Variants in NIPAL3 observed in about 807,000 individuals in gnomAD.
NIPAL3 encodes the protein NIPA-like protein 3.
In NIPAL3, 41 loss-of-function variants were observed where a neutral mutation model predicts 47.2. That is an observed-to-expected ratio of 0.87 (90% confidence interval 0.68 to 1.13). The LOEUF is 1.13. Among genes scored for constraint, NIPAL3 ranks in the 50% most tolerant of loss-of-function variants. NIPAL3 has a pLI of 0.00. For synonymous variants in NIPAL3, 194 were observed against 209.6 expected, an observed-to-expected ratio of 0.93 and a Z score of 0.64; for missense variants, 449 against 530.1, an observed-to-expected ratio of 0.85 and a Z score of 1.50.
intron 2 of NIPAL3, 81 bp from the exon 3 acceptor site, chr1:24,440,091 A>C: frequency 1.1e-6 from 1 of 927,698 alleles, no homozygotes; most frequent in Non-Finnish European, 1.6e-6. Context: ...TTGGGGCAGC[A>C]AATGGTTGAG....
At chr1:24,450,144 G>A (rs1371967351) in intron 6 of NIPAL3, among the ~76,000 whole-genome samples, 2 of 152,172 alleles carry the variant, frequency 1.3e-5, no homozygotes, top group Non-Finnish European at 2.9e-5. Context: ...CCATTATGAT[G>A]TCAGTTTTAT....
chr1:24,436,206 A>G (rs960892075), intron 2 of NIPAL3, among the ~76,000 whole-genome samples: 1 of 152,124 alleles, frequency 6.6e-6, no homozygotes, highest in Non-Finnish European at 1.5e-5. Context: ...TGGTGTTTAG[A>G]ATAGTGAGGT....
chr1:24,417,602 A>G (rs1168571135), intron 1 of NIPAL3, among the ~76,000 whole-genome samples: 1 of 152,156 alleles, frequency 6.6e-6, no homozygotes, highest in Non-Finnish European at 1.5e-5. Context: ...CTTACATCTC[A>G]TGTCTGTATA....
At chr1:24,414,261 G>A (rs1643907932), upstream of NIPAL3, 1 of 151,786 alleles carries the variant, frequency 6.6e-6, no homozygotes, top group South Asian at 2.1e-4. Flanking sequence ...GGCCAGGCTG[G>A]TCTCGAACTC....
At chr1:24,460,414 T>C (rs914096613) in intron 9 of NIPAL3, 67 bp from the exon 10 acceptor site, 5 of 1,346,458 alleles carry the variant, frequency 3.7e-6, no homozygotes, top group Non-Finnish European at 5.2e-6. Flanking sequence ...AGCCAAATCC[T>C]AGACAGACTG....
chr1:24,442,414 A>T (rs904189759), intron 4 of NIPAL3, among the ~76,000 whole-genome samples, 188 bp downstream of exon 4: 7 of 152,222 alleles, frequency 4.6e-5, no homozygotes, highest in African/African-American at 1.7e-4. Flanking sequence ...CTAATCCTCC[A>T]GCCACCTGTT....
chr1:24,427,753 G>A (rs1179564671), intron 2 of NIPAL3, among the ~76,000 whole-genome samples: 1 of 152,176 alleles, frequency 6.6e-6, no homozygotes, highest in Non-Finnish European at 1.5e-5. Flanking sequence ...AAAGGGCTTA[G>A]CACACCATGT....
intron 11 of NIPAL3, among the ~76,000 whole-genome samples, chr1:24,467,594 T>C (rs1392071521): frequency 6.6e-6 from 1 of 152,266 alleles, no homozygotes; most frequent in Non-Finnish European, 1.5e-5. Flanking sequence ...TCATTTCTGC[T>C]GCTTCATTTT....
intron 8 of NIPAL3, 36 bp from the exon 9 acceptor site, chr1:24,458,852 C>T (rs761519719): frequency 1.3e-6 from 2 of 1,553,338 alleles, no homozygotes; most frequent in Non-Finnish European, 1.8e-6. Flanking sequence ...TCCAACGTCT[C>T]CACAGCCCAC....
At chr1:24,450,426 C>T (rs944450458) in intron 6 of NIPAL3, among the ~76,000 whole-genome samples, 4 of 152,092 alleles carry the variant, frequency 2.6e-5, no homozygotes, top group South Asian at 2.1e-4. Context: ...CCAGGAGACA[C>T]GGGAAATTTT....
At chr1:24,441,997 T>C in intron 3 of NIPAL3, 58 bp from the exon 4 acceptor site, 1 of 1,575,608 alleles carries the variant, frequency 6.3e-7, no homozygotes, top group Non-Finnish European at 8.7e-7. Context: ...GGTACCTACA[T>C]CATAGCATTT....
chr1:24,437,930 G>T (rs182405654), intron 2 of NIPAL3, among the ~76,000 whole-genome samples: 4 of 152,294 alleles, frequency 2.6e-5, no homozygotes, highest in African/African-American at 9.6e-5. Flanking sequence ...AGTCATAGAT[G>T]TTTACTCCAG....
chr1:24,417,479 A>G (rs1644113263), intron 1 of NIPAL3, among the ~76,000 whole-genome samples: 1 of 152,256 alleles, frequency 6.6e-6, no homozygotes, highest in African/African-American at 2.4e-5. Context: ...ACGTGAAAGT[A>G]TAGTGAACAA....
intron 11 of NIPAL3, chr1:24,465,986 T>C: frequency 6.2e-7 from 1 of 1,606,680 alleles, no homozygotes. Context: ...ATTAGGATCT[T>C]GCCTTTTGTC....
chr1:24,419,470 T>C lies in NIPAL3; in HGVS notation c.-78T>C. On this transcript the variant is annotated 5_prime_UTR_variant, in exon 2 of 12. It removes an upstream start codon present in the reference 5' UTR. Coordinates refer to ENST00000374399, the MANE Select transcript of NIPAL3 (RefSeq NM_020448.5). ...GGGAGGTGAACACCACAAGGAGAGA[T>C]GGCATCTGGCCTGGGCCCCGCCTAG... is the stretch of plus-strand genomic sequence containing the variant. 6.9e-7 allele frequency: 1 copy of C among 1,454,046 alleles called. No homozygotes were observed. The highest frequency in any genetic ancestry group is 9.1e-7 in the Non-Finnish European group (1 of 1,099,642). The allele number at this position is 1,454,046 out of a possible 1,614,324, so 90.1% of individuals were successfully genotyped here.
rs746445892 is a variant in NIPAL3, at chr1:24,442,040, T to G, written c.163-15T>G. The G allele has an allele frequency of 3.1e-6, 5 of 1,611,622 alleles. No homozygotes were observed. In the Admixed American group the frequency reaches 8.4e-5, roughly 27 times the overall value. ...CAAACATCTGAGCAAATTGCATTAT[T>G]TCTCGGGTTTCTAGAAGTACTGCCA... On this transcript the variant is annotated splice_polypyrimidine_tract_variant and intron_variant, in intron 3 of 11. Coordinates refer to ENST00000374399, the MANE Select transcript of NIPAL3 (RefSeq NM_020448.5).
At chr1:24,465,617 C>G (rs112103598) in intron 11 of NIPAL3, 1 of 153,496 alleles carries the variant, frequency 6.5e-6, no homozygotes, top group African/African-American at 2.4e-5. Context: ...CAGGACACTT[C>G]CGATTGTAGG....
Position 24,416,167 on chromosome 1 carries a change from A to G in NIPAL3, c.-258+263A>G. On this transcript the variant is annotated intron_variant, in intron 1 of 11. Transcript: ENST00000374399. This position sits in a 1 kb window ranked among gnomAD's most constrained non-coding sequence, Gnocchi z 4.8. ...GAAGTGACATGGAGTTAACTTTGCC[A>G]GAATTTCTCCTCTTCGTGCCGAGCG... 1.0e-6 allele frequency: 1 copy of G among 985,626 alleles called. No individual in the cohort carries two copies. The highest frequency in any genetic ancestry group is 1.2e-6 in the Non-Finnish European group (1 of 830,092). 61.1% of individuals were successfully genotyped at this position (985,626 alleles called of 1,614,324 possible). A position where few individuals can be genotyped will look rare whatever the true frequency, so the allele number is the denominator to read the frequency against.
Position 24,454,247 on chromosome 1 carries a change from A to G in NIPAL3, c.637+743A>G, listed in dbSNP as rs1646086559. ...AGCTGTGGGGAATCCATCCTTCCTG[A>G]GGAGAAGCAGACAGAGGCGGAGGAG... On this transcript the variant is annotated intron_variant, in intron 7 of 11. Transcript: ENST00000374399. The surrounding 1 kb of genome is among the most constrained non-coding windows in gnomAD (Gnocchi z 4.1). 1.7e-6 allele frequency: 2 copies of G among 1,172,682 alleles called. No homozygotes were observed. The highest frequency in any genetic ancestry group is 2.1e-6 in the Non-Finnish European group (2 of 936,220). The allele number at this position is 1,172,682 out of a possible 1,614,324, so 72.6% of individuals were successfully genotyped here. A position where few individuals can be genotyped will look rare whatever the true frequency, so the allele number is the denominator to read the frequency against.
Sources: allele counts gnomAD v4.1 joint callset (sites outside exome capture counted in the v4.1 genomes callset), GRCh38; gene constraint gnomAD v4.1.1; non-coding constraint Gnocchi (gnomAD v3.1); transcripts MANE v1.5; gene names NCBI Gene and HGNC (gene_info 2026-07-23, HGNC 2026-07-21).